ESF1: variants seen among roughly 807,000 people sequenced by gnomAD.
ESF1 encodes the protein ESF1 homolog.
Under a neutral mutation model 92.0 loss-of-function variants are expected in ESF1, and 58 were observed. The observed-to-expected ratio is 0.63, with a 90% CI of 0.51 to 0.78. The LOEUF is 0.78. ESF1 is among the 30% of genes least tolerant of loss of function. The pLI is 0.00. For synonymous variants in ESF1, 321 were observed against 313.7 expected, an observed-to-expected ratio of 1.02 and a Z score of -0.24; for missense variants, 922 against 989.1, an observed-to-expected ratio of 0.93 and a Z score of 0.91.
chr20:13,771,430 T>C lies in ESF1; in HGVS notation c.1304A>G (p.Tyr435Cys). 1 of 1,612,460 alleles carries C rather than the reference T, an allele frequency of 6.2e-7. No homozygotes were observed. Among genetic ancestry groups the C allele is most frequent in the Non-Finnish European group, 8.5e-7 (1 of 1,178,694 alleles). ...CGGAGAATCACAGTCTACTACTGCA[T>C]AATAGTACTTCAGTCGTTTGAATTG... is the stretch of plus-strand genomic sequence containing the variant. The part of the protein sequence containing the change: ...DYQFKRLKYY[Y>C]AVVDCDSPET... Residue 435 changes from tyrosine to cysteine, a missense_variant, in exon 6 of 14, where the codon TAT becomes TGT. Tyr to Cys is a radical substitution (Grantham distance 194, BLOSUM62 -2). Transcript: ENST00000617257.
Position 13,742,482 on chromosome 20 carries a change from A to G in ESF1, c.1829-8640T>C, listed in dbSNP as rs898472336. Among the ~76,000 whole-genome samples, 4 of 152,036 alleles carry G rather than the reference A, an allele frequency of 2.6e-5. No individual in the cohort carries two copies. In the East Asian group the frequency reaches 7.7e-4, roughly 29 times the overall value. On this transcript the variant is annotated intron_variant, in intron 9 of 13. Coordinates refer to ENST00000617257, the MANE Select transcript of ESF1 (RefSeq NM_001276380.2). ...TGAGACTCTGTCTCAAAAAGAAAAA[A>G]AAAAAGTTCAACATTCATATACCTT...
chr20:13,747,708 A>G (rs2147747482), intron 9 of ESF1, among the ~76,000 whole-genome samples: 1 of 58 alleles, frequency 0.017, no homozygotes, highest in South Asian at 0.5. Flanking sequence ...ACTTTCTGAG[A>G]AATGTGTAGG....
chr20:13,733,829 A>C lies in ESF1; in HGVS notation c.1842T>G (p.Ser614Arg). 2 of 1,609,198 alleles carry C rather than the reference A, an allele frequency of 1.2e-6. No homozygotes were observed. The highest frequency in any genetic ancestry group is 1.1e-5 in the South Asian group (1 of 89,698). The change falls in exon 10 of 14, where the codon AGT (serine) becomes AGG (arginine). Residue 614 changes from serine to arginine, a missense_variant. Coordinates refer to ENST00000617257, the MANE Select transcript of ESF1 (RefSeq NM_001276380.2). ...EIKWVPGLKESAEEMVKNKLE... is the reference protein window; with the variant it reads ...EIKWVPGLKERAEEMVKNKLE... ...ATTTGTTTTTGACCATCTCTTCTGC[A>C]CTTTCTTTAAGACCTGAGGAAAAAT...
chr20:13,727,564 G>A (rs2049909094), intron 11 of ESF1, among the ~76,000 whole-genome samples: 1 of 152,192 alleles, frequency 6.6e-6, no homozygotes, highest in African/African-American at 2.4e-5. Context: ...GTGGTATAAT[G>A]ATCGGGGAAG....
At chr20:13,779,136 ATAAATGTCT>A (rs1478185900) in intron 2 of ESF1, among the ~76,000 whole-genome samples, 4 of 152,206 alleles carry the variant, frequency 2.6e-5, no homozygotes, top group Non-Finnish European at 4.4e-5. Context: ...TTACACAAAT[ATAAATGTCT>A]CTATTCCTAG....
At chr20:13,779,382 C>A (rs555496921) in intron 2 of ESF1, among the ~76,000 whole-genome samples, 3 of 152,194 alleles carry the variant, frequency 2.0e-5, no homozygotes, top group Admixed American at 2.0e-4. Context: ...TAGTATACAA[C>A]CATATCCCTA....
At chr20:13,735,946 C>A (rs77461018) in intron 9 of ESF1, among the ~76,000 whole-genome samples, 2 of 152,170 alleles carry the variant, frequency 1.3e-5, no homozygotes, top group East Asian at 3.9e-4. Context: ...TGGACTCTAA[C>A]ACTGTACTGG....
At position 13,779,499 on chromosome 20, in the gene ESF1, TTTAA is replaced by T. The variant is rs1440206792; in HGVS notation, c.637+3001_637+3004del. ...CATAGATCACAGATGTTTGCATATA[TTTAA>T]TTAATCTCTTAATGATTTGTTACCA... On this transcript the variant is annotated intron_variant, in intron 2 of 13. Coordinates refer to ENST00000617257, the MANE Select transcript of ESF1 (RefSeq NM_001276380.2). 3.3e-5 allele frequency among the ~76,000 whole-genome samples: 5 copies of T among 152,334 alleles called. No individual in the cohort carries two copies. In the East Asian group the frequency reaches 9.6e-4, roughly 29 times the overall value.
intron 10 of ESF1, among the ~76,000 whole-genome samples, chr20:13,732,956 T>G (rs1394512486): frequency 2.0e-5 from 3 of 151,970 alleles, no homozygotes; most frequent in Non-Finnish European, 2.9e-5. Context: ...AGACAGAGTC[T>G]TGCCCTGTCG....
chr20:13,771,324 G>A lies in ESF1; in HGVS notation c.1403+7C>T, dbSNP rs1396355055. ...AGATTAAATTGGTAATACATACACT[G>A]GATTACCTTAGATCTATGAAAGAAC... On this transcript the variant is annotated splice_region_variant and intron_variant, in intron 6 of 13. Coordinates refer to ENST00000617257, the MANE Select transcript of ESF1 (RefSeq NM_001276380.2). 1.2e-6 allele frequency: 2 copies of A among 1,609,392 alleles called. No homozygotes were observed. Among genetic ancestry groups the A allele is most frequent in the Non-Finnish European group, 8.5e-7 (1 of 1,177,934 alleles).
intron 11 of ESF1, among the ~76,000 whole-genome samples, chr20:13,725,448 G>A (rs991007112): frequency 1.3e-5 from 2 of 151,728 alleles, no homozygotes; most frequent in Admixed American, 1.3e-4. Context: ...TGAAACTTCT[G>A]AAAAAAGATC....
chr20:13,780,922 A>T (rs1980155563), intron 2 of ESF1, among the ~76,000 whole-genome samples: 1 of 152,218 alleles, frequency 6.6e-6, no homozygotes, highest in Non-Finnish European at 1.5e-5. Context: ...AGACCTTATT[A>T]TCTAATCAAA....
At chr20:13,784,664 A>T (rs1980566380) in intron 1 of ESF1, among the ~76,000 whole-genome samples, 1 of 149,802 alleles carries the variant, frequency 6.7e-6, no homozygotes, top group South Asian at 2.3e-4. Context: ...CCTGTACCGC[A>T]GGGGGGCAGC....
chr20:13,775,505 T>C (rs1027341425), intron 3 of ESF1, among the ~76,000 whole-genome samples: 2 of 152,184 alleles, frequency 1.3e-5, no homozygotes, highest in Non-Finnish European at 1.5e-5. Flanking sequence ...AATCAGAACA[T>C]GATCATGAGC....
At chr20:13,726,467 C>T (rs928445222) in intron 11 of ESF1, among the ~76,000 whole-genome samples, 4 of 152,212 alleles carry the variant, frequency 2.6e-5, no homozygotes, top group Admixed American at 2.6e-4. Flanking sequence ...CTCTTCATGC[C>T]TGACTCCTCA....
intron 9 of ESF1, among the ~76,000 whole-genome samples, chr20:13,748,382 C>T (rs1428610884): frequency 5.4e-5 from 4 of 73,858 alleles, no homozygotes; most frequent in African/African-American, 2.0e-4. Flanking sequence ...TGCAAACTTC[C>T]CCTTCCTCCC....
chr20:13,725,509 A>G (rs984095931), intron 11 of ESF1, among the ~76,000 whole-genome samples: 6 of 152,102 alleles, frequency 3.9e-5, no homozygotes, highest in Non-Finnish European at 8.8e-5. Flanking sequence ...TTTAACCCAC[A>G]CTAATCTACT....
At chr20:13,728,637 C>A (rs574975920) in intron 10 of ESF1, among the ~76,000 whole-genome samples, 172 bp from the exon 11 acceptor site, 3 of 152,128 alleles carry the variant, frequency 2.0e-5, no homozygotes, top group Non-Finnish European at 4.4e-5. Context: ...GAGGCCAAGG[C>A]GGGTGGATCA....
intron 9 of ESF1, among the ~76,000 whole-genome samples, chr20:13,735,621 G>A (rs2049970980): frequency 1.3e-5 from 2 of 152,098 alleles, no homozygotes; most frequent in African/African-American, 2.4e-5. Flanking sequence ...CCATAGGTCA[G>A]CACACAATCA....
Sources: gnomAD v4.1 joint callset for allele counts (sites outside exome capture counted in the v4.1 genomes callset) on GRCh38, gnomAD v4.1.1 for gene constraint, MANE v1.5 for transcripts, NCBI Gene and HGNC (gene_info 2026-07-23, HGNC 2026-07-21) for gene names.